GRIN2A: variants seen among roughly 807,000 people sequenced by gnomAD.
The protein encoded by GRIN2A is glutamate ionotropic receptor NMDA type subunit 2A, also known as glutamate receptor ionotropic, NMDA 2A.
Under a neutral mutation model 113.4 loss-of-function variants are expected in GRIN2A, and 22 were observed. The ratio of observed to expected loss-of-function variants is 0.19; its 90% CI spans 0.14 to 0.28. GRIN2A has a LOEUF of 0.28. Among genes scored for constraint, GRIN2A ranks in the 10% least tolerant of loss-of-function variants. The pLI is 1.00. For missense variants in GRIN2A, 1,502 were observed against 1,887.0 expected (o/e 0.80, Z 3.78); for synonymous variants, 827 against 738.4 (o/e 1.12, Z -1.94).
chr16:9,833,844 T>C (rs192343606), intron 8 of GRIN2A, among the ~76,000 whole-genome samples: 5 of 152,098 alleles, frequency 3.3e-5, no homozygotes, highest in African/African-American at 4.8e-5. Context: ...CTCTGCCTCA[T>C]GAGTAGCTGG....
At position 9,768,730 on chromosome 16, in the gene GRIN2A, G is replaced by T. The variant is rs1018695722; in HGVS notation, c.2595+121C>A. 3.8e-6 allele frequency: 3 copies of T among 793,038 alleles called. No homozygotes were observed. The African/African-American group carries it at 5.1e-5, about 13-fold the overall frequency. The allele number at this position is 793,038 out of a possible 1,614,324, so 49.1% of individuals were successfully genotyped here. ...GAATGCACAAAATCTGGATGCTCTT[G>T]TGACATGCCCAAGAAAGGCTGGTAA... On this transcript the variant is annotated intron_variant, in intron 12 of 12. Coordinates refer to ENST00000330684, the MANE Select transcript of GRIN2A (RefSeq NM_001134407.3).
chr16:9,768,881 G>T lies in GRIN2A; in HGVS notation c.2565C>A (p.Asp855Glu). The change falls in exon 12 of 13, where the codon GAC becomes GAA. Residue 855 changes from aspartate to glutamate, a missense_variant. Asp to Glu is a conservative substitution (Grantham distance 45). Transcript: ENST00000330684. ...TGATGGAGAAGAGCAACCCAGGCCG[G>T]TCGGAGCACACGCCCGTGAAACAGA... ...LRFCFTGVCS[D>E]RPGLLFSISR... 1 of 1,614,090 alleles carries T rather than the reference G, an allele frequency of 6.2e-7. No homozygotes were observed. Among genetic ancestry groups the T allele is most frequent in the Non-Finnish European group, 8.5e-7 (1 of 1,179,932 alleles).
intron 2 of GRIN2A, among the ~76,000 whole-genome samples, chr16:9,999,724 G>C (rs116903689): frequency 0.094 from 14,224 of 152,024 alleles, 770 homozygotes; most frequent in African/African-American, 0.11. Context: ...ATGTACCCCA[G>C]AACTGAAAGT....
At chr16:10,153,324 C>T (rs1302509984) in intron 2 of GRIN2A, among the ~76,000 whole-genome samples, 1 of 152,056 alleles carries the variant, frequency 6.6e-6, no homozygotes, top group Non-Finnish European at 1.5e-5. Flanking sequence ...CCAACCAGTC[C>T]ACAAGTACTG....
At position 9,849,791 on chromosome 16, in the gene GRIN2A, C is replaced by T. The variant is rs771768582; in HGVS notation, c.1293G>A (p.Arg431=). The change falls in exon 5 of 13, where the codon AGG becomes AGA. Residue 431 remains arginine (R), a synonymous_variant. Coordinates refer to ENST00000330684, the MANE Select transcript of GRIN2A (RefSeq NM_001134407.3). ...CGAACTTCCGACATGGCACGGTGTT[C>T]CTCACACACGTCTCGGTCAGGGGGT... ...DIDPLTETCV[R]NTVPCRKFVK... 1.9e-6 allele frequency: 3 copies of T among 1,614,084 alleles called. No individual in the cohort carries two copies. In the South Asian group the frequency reaches 3.3e-5, roughly 18 times the overall value.
At chr16:10,009,649 T>C (rs1322274462) in intron 2 of GRIN2A, among the ~76,000 whole-genome samples, 1 of 151,978 alleles carries the variant, frequency 6.6e-6, no homozygotes, top group African/African-American at 2.4e-5. Context: ...TCCTCAAGGG[T>C]CTTGCTTGCA....
At chr16:10,112,256 G>A in intron 2 of GRIN2A, 2 of 633,218 alleles carry the variant, frequency 3.2e-6, no homozygotes, top group East Asian at 3.0e-5. Context: ...TCAAACAGAA[G>A]TACCTCCACC....
intron 2 of GRIN2A, among the ~76,000 whole-genome samples, chr16:10,014,146 G>A (rs1435751145): frequency 6.6e-6 from 1 of 152,232 alleles, no homozygotes; most frequent in African/African-American, 2.4e-5. Flanking sequence ...TGAGTTGTGA[G>A]TGAATGTGTA....
chr16:10,097,467 G>A (rs2048315684), intron 2 of GRIN2A, among the ~76,000 whole-genome samples: 1 of 152,150 alleles, frequency 6.6e-6, no homozygotes, highest in African/African-American at 2.4e-5. Context: ...GAAGCAACAG[G>A]AAAGGAATGG....
intron 2 of GRIN2A, among the ~76,000 whole-genome samples, chr16:10,013,647 C>T (rs796848749): frequency 4.6e-5 from 7 of 152,164 alleles, no homozygotes; most frequent in South Asian, 4.1e-4. Flanking sequence ...CCTTCTAAAA[C>T]GCAAAGATTG....
intron 2 of GRIN2A, among the ~76,000 whole-genome samples, chr16:9,968,853 C>T (rs933797217): frequency 1.4e-4 from 22 of 152,228 alleles, no homozygotes; most frequent in African/African-American, 4.8e-4. Context: ...GTGATCCGCC[C>T]GCCTCAGCCT....
intron 10 of GRIN2A, among the ~76,000 whole-genome samples, chr16:9,815,136 C>A (rs2042161794): frequency 6.6e-6 from 1 of 151,752 alleles, no homozygotes; most frequent in Non-Finnish European, 1.5e-5. Flanking sequence ...TCTATGAAGA[C>A]ATTTCAAACA....
At chr16:10,176,064 G>A (rs917516448) in intron 2 of GRIN2A, among the ~76,000 whole-genome samples, 4 of 149,672 alleles carry the variant, frequency 2.7e-5, no homozygotes, top group Admixed American at 1.3e-4. Flanking sequence ...GAGCGCAGTG[G>A]CATGATGTTG....
chr16:10,179,882 AC>A (rs1319202643), intron 2 of GRIN2A, 115 bp downstream of exon 2: 2 of 327,712 alleles, frequency 6.1e-6, no homozygotes, highest in African/African-American at 2.9e-5. Flanking sequence ...CGACCCTCCC[AC>A]CCCCACCCCC....
rs527975984 is a variant in GRIN2A, at chr16:9,893,415, A to T, written c.1008-2315T>A. On this transcript the variant is annotated intron_variant, in intron 3 of 12. Transcript: ENST00000330684. The stretch of plus-strand genomic sequence containing the variant: ...GGATAATCACTATTCTATCTGGTTT[A>T]TTTGGGGTATCTCTTATCACTTCCT... Among the ~76,000 whole-genome samples the T allele has an allele frequency of 8.5e-5, 13 of 152,220 alleles. No homozygotes were observed. In the South Asian group the frequency reaches 2.7e-3, roughly 32 times the overall value.
At chr16:9,901,003 C>T (rs970160575) in intron 3 of GRIN2A, among the ~76,000 whole-genome samples, 3 of 152,240 alleles carry the variant, frequency 2.0e-5, no homozygotes, top group Middle Eastern at 3.2e-3. Context: ...CAACCAAAAA[C>T]TATAGAATGA....
chr16:9,926,928 T>G (rs1389382831), intron 3 of GRIN2A, among the ~76,000 whole-genome samples: 1 of 147,750 alleles, frequency 6.8e-6, no homozygotes, highest in African/African-American at 2.5e-5. Flanking sequence ...ACTCTAAGTT[T>G]AAAAAAAAAA....
chr16:10,051,020 A>C (rs1166151006), intron 2 of GRIN2A, among the ~76,000 whole-genome samples: 1 of 152,222 alleles, frequency 6.6e-6, no homozygotes, highest in East Asian at 1.9e-4. Context: ...GATGAAGCTA[A>C]GACTCGAGAG....
chr16:10,062,575 C>A (rs1431645357), intron 2 of GRIN2A, among the ~76,000 whole-genome samples: 1 of 152,168 alleles, frequency 6.6e-6, no homozygotes, highest in Non-Finnish European at 1.5e-5. Context: ...GGTTAACACG[C>A]CGGGCACAGT....
Sources: allele counts gnomAD v4.1 joint callset (sites outside exome capture counted in the v4.1 genomes callset), GRCh38; gene constraint gnomAD v4.1.1; transcripts MANE v1.5; gene names NCBI Gene and HGNC (gene_info 2026-07-23, HGNC 2026-07-21).